The following PLEKHH2 variants were observed in gnomAD, a reference collection of about 807,000 sequenced individuals.
PLEKHH2 encodes the protein pleckstrin homology domain-containing family H member 2.
In PLEKHH2, 129 loss-of-function variants were observed where a neutral mutation model predicts 187.9. The ratio of observed to expected loss-of-function variants is 0.69; its 90% CI spans 0.59 to 0.79. PLEKHH2 has a LOEUF of 0.79. PLEKHH2 is among the 30% of genes least tolerant of loss of function. The probability of loss-of-function intolerance (pLI) is 0.00; values close to 1 mark genes in which losing one functional copy is unlikely to be tolerated. For synonymous variants in PLEKHH2, 686 were observed against 605.6 expected, an observed-to-expected ratio of 1.13 and a Z score of -1.95; for missense variants, 2,076 against 1,751.2, an observed-to-expected ratio of 1.19 and a Z score of -3.31.
chr2:43,673,251 C>A (rs12613555), intron 2 of PLEKHH2, among the ~76,000 whole-genome samples: 98,591 of 151,990 alleles, frequency 0.65, 32,731 homozygotes, highest in Middle Eastern at 0.73. Context: ...ATATCATTTC[C>A]TCCATCCATA....
intron 9 of PLEKHH2, among the ~76,000 whole-genome samples, chr2:43,705,668 C>T (rs1251010189): frequency 1.3e-5 from 2 of 152,138 alleles, no homozygotes; most frequent in Non-Finnish European, 2.9e-5. Flanking sequence ...GTCGCCCAGG[C>T]TGTAGTGCAG....
chr2:43,657,844 C>T (rs2374568), intron 2 of PLEKHH2, among the ~76,000 whole-genome samples: 1 of 151,894 alleles, frequency 6.6e-6, no homozygotes, highest in Admixed American at 6.6e-5. Context: ...TGTAGGGTGG[C>T]GCAGATAATT....
Position 43,660,476 on chromosome 2 carries a change from T to A in PLEKHH2, c.123+15680T>A, listed in dbSNP as rs77319363. Among the ~76,000 whole-genome samples, 820 of 150,904 alleles carry A rather than the reference T, an allele frequency of 5.4e-3. 20 individuals are homozygous for A. The highest frequency in any genetic ancestry group is 0.019 in the African/African-American group (762 of 40,496). ...TTTTGCCAATTAAGGAATTTATTTT[T>A]TTTTTTTTATACTTTAAGTTTTAGG... On this transcript the variant is annotated intron_variant, in intron 2 of 29. Transcript: ENST00000282406.
chr2:43,647,512 C>T (rs747667276), intron 2 of PLEKHH2, among the ~76,000 whole-genome samples: 1 of 152,134 alleles, frequency 6.6e-6, no homozygotes, highest in African/African-American at 2.4e-5. Context: ...CTCTATTCAG[C>T]CATGCAACAT....
chr2:43,710,690 G>T, intron 14 of PLEKHH2, 115 bp downstream of exon 14: 2 of 1,471,974 alleles, frequency 1.4e-6, no homozygotes, highest in Non-Finnish European at 8.9e-7. Context: ...ATTCACTTTG[G>T]GGGGTTAGTT....
intron 15 of PLEKHH2, among the ~76,000 whole-genome samples, chr2:43,718,955 C>T (rs1043540203): frequency 9.9e-5 from 15 of 152,262 alleles, no homozygotes; most frequent in African/African-American, 3.4e-4. Flanking sequence ...TTTGAAAGCC[C>T]AAAGGCTGAC....
intron 2 of PLEKHH2, chr2:43,676,123 C>G (rs74589926): frequency 6.2e-7 from 1 of 1,613,818 alleles, no homozygotes; most frequent in Non-Finnish European, 8.5e-7. Flanking sequence ...AACACGAATA[C>G]TTTTACTGAG....
chr2:43,698,974 T>A (rs1669225494), intron 7 of PLEKHH2, among the ~76,000 whole-genome samples: 1 of 152,226 alleles, frequency 6.6e-6, no homozygotes. Flanking sequence ...ATTTTGCATA[T>A]CTCAATGTAT....
intron 15 of PLEKHH2, among the ~76,000 whole-genome samples, chr2:43,718,907 G>A (rs1560599): frequency 6.6e-6 from 1 of 151,992 alleles, no homozygotes; most frequent in South Asian, 2.1e-4. Context: ...CCATCAAACC[G>A]TTAGGTGGTG....
chr2:43,712,212 C>T lies in PLEKHH2; in HGVS notation c.2302-13C>T, dbSNP rs779553566. 29 of 1,609,422 alleles carry T rather than the reference C, an allele frequency of 1.8e-5. No homozygotes were observed. The highest frequency in any genetic ancestry group is 2.2e-5 in the South Asian group (2 of 90,938). On this transcript the variant is annotated splice_polypyrimidine_tract_variant and intron_variant, in intron 14 of 29. Coordinates refer to ENST00000282406, the MANE Select transcript of PLEKHH2 (RefSeq NM_172069.4). ...ACAGTTTTCTTTCCTATACCTTTCT[C>T]GTTGCATTCTAGTTGACCACTGAAA...
chr2:43,693,115 A>G (rs1668896554), intron 4 of PLEKHH2, among the ~76,000 whole-genome samples: 1 of 151,194 alleles, frequency 6.6e-6, no homozygotes, highest in Non-Finnish European at 1.5e-5. Flanking sequence ...TTTTTTTTTA[A>G]GAAGAGAAAG....
At chr2:43,680,959 C>T (rs1668143527) in intron 3 of PLEKHH2, 1 of 1,017,174 alleles carries the variant, frequency 9.8e-7, no homozygotes, top group Non-Finnish European at 1.4e-6. Flanking sequence ...TTACTACATA[C>T]ACTGGATTTC....
At chr2:43,719,996 CTCT>C (rs1670405121) in intron 15 of PLEKHH2, among the ~76,000 whole-genome samples, 1 of 152,030 alleles carries the variant, frequency 6.6e-6, no homozygotes, top group Non-Finnish European at 1.5e-5. Flanking sequence ...ACTGCACTTT[CTCT>C]TCTTTATGTT....
At position 43,699,983 on chromosome 2, in the gene PLEKHH2, G is replaced by C; in HGVS notation, c.1025G>C (p.Gly342Ala). The C allele has an allele frequency of 2.5e-6, 4 of 1,614,152 alleles. No individual in the cohort carries two copies. Among genetic ancestry groups the C allele is most frequent in the Non-Finnish European group, 3.4e-6 (4 of 1,180,018 alleles). The change falls in exon 8 of 30, where the codon GGC (glycine) becomes GCC (alanine). Residue 342 changes from glycine (G) to alanine (A), a missense_variant. Coordinates refer to ENST00000282406, the MANE Select transcript of PLEKHH2 (RefSeq NM_172069.4). ...TCTATATTTGAGGAAGAGACTTTTGGCATAAAGAGACCAGAACACAAGAAG... is the reference window on the plus strand; with the variant it reads ...TCTATATTTGAGGAAGAGACTTTTGCCATAAAGAGACCAGAACACAAGAAG... ...SSSIFEEETFGIKRPEHKKLY... is the reference protein window; with the variant it reads ...SSSIFEEETFAIKRPEHKKLY...
At chr2:43,650,068 G>A (rs756746279) in intron 2 of PLEKHH2, among the ~76,000 whole-genome samples, 21 of 151,396 alleles carry the variant, frequency 1.4e-4, no homozygotes, top group Non-Finnish European at 2.4e-4. Flanking sequence ...TACATAATTG[G>A]CCTGTTCATA....
At chr2:43,717,645 G>C (rs1159401786) in intron 15 of PLEKHH2, among the ~76,000 whole-genome samples, 3 of 152,198 alleles carry the variant, frequency 2.0e-5, no homozygotes, top group Non-Finnish European at 1.5e-5. Flanking sequence ...AGAGAGCAAG[G>C]TTGTGGAGAC....
At chr2:43,733,335 C>G (rs1269652278) in intron 19 of PLEKHH2, among the ~76,000 whole-genome samples, 2 of 147,844 alleles carry the variant, frequency 1.4e-5, no homozygotes, top group Non-Finnish European at 3.0e-5. Context: ...TGCACTCCAT[C>G]CTGGGCAACA....
rs1019929997 is a variant in PLEKHH2 at position 43,742,487 on chromosome 2, C to G, written c.3222-254C>G. Reference sequence around the variant, plus strand: ...GACTTGTGACTGGTAATTTTAAATTCAGCTTGTGACTATAATAATACAGTA... The same window carrying G: ...GACTTGTGACTGGTAATTTTAAATTGAGCTTGTGACTATAATAATACAGTA... On this transcript the variant is annotated intron_variant, in intron 21 of 29. Coordinates refer to ENST00000282406, the MANE Select transcript of PLEKHH2 (RefSeq NM_172069.4). Among the ~76,000 whole-genome samples the G allele has an allele frequency of 2.6e-5, 4 of 151,982 alleles. No individual in the cohort carries two copies. In the South Asian group the frequency reaches 8.3e-4, roughly 32 times the overall value.
At chr2:43,657,182 G>A (rs1324534122) in intron 2 of PLEKHH2, among the ~76,000 whole-genome samples, 2 of 152,198 alleles carry the variant, frequency 1.3e-5, no homozygotes, top group Non-Finnish European at 2.9e-5. Context: ...CAGCTGGAGG[G>A]TGGACTCACT....
Sources: allele counts gnomAD v4.1 joint callset (sites outside exome capture counted in the v4.1 genomes callset), GRCh38; gene constraint gnomAD v4.1.1; transcripts MANE v1.5; gene names NCBI Gene and HGNC (gene_info 2026-07-23, HGNC 2026-07-21).